Variants in CHCHD6 observed in about 807,000 individuals in gnomAD.
CHCHD6 encodes coiled-coil-helix-coiled-coil-helix domain containing 6, also known as MICOS complex subunit MIC25.
CHCHD6 carries 28 observed loss-of-function variants against 32.3 expected under a neutral mutation model. The ratio of observed to expected loss-of-function variants is 0.87; its 90% confidence interval spans 0.64 to 1.19. The LOEUF (loss-of-function observed/expected upper bound fraction) is 1.19. Among genes scored for constraint, CHCHD6 ranks in the 50% most tolerant of loss-of-function variants. The pLI, the probability that CHCHD6 is intolerant of heterozygous loss-of-function variation, is 0.00. For synonymous variants in CHCHD6, 122 were observed against 117.5 expected, an observed-to-expected ratio of 1.04 and a Z score of -0.25; for missense variants, 333 against 307.0, an observed-to-expected ratio of 1.08 and a Z score of -0.63.
At chr3:126,721,025 C>T (rs572501877) in intron 1 of CHCHD6, among the ~76,000 whole-genome samples, 30 of 152,302 alleles carry the variant, frequency 2.0e-4, no homozygotes, top group Admixed American at 5.9e-4. Context: ...TTCTTAATTT[C>T]CTCCCTTTCT....
intron 4 of CHCHD6, among the ~76,000 whole-genome samples, chr3:126,803,828 G>C (rs1939209268): frequency 6.6e-6 from 1 of 152,144 alleles, no homozygotes; most frequent in Admixed American, 6.6e-5. Context: ...GCTCTCCTCA[G>C]CAAATGTAAA....
At chr3:126,887,743 C>T (rs1328336119) in intron 5 of CHCHD6, among the ~76,000 whole-genome samples, 1 of 152,180 alleles carries the variant, frequency 6.6e-6, no homozygotes, top group Non-Finnish European at 1.5e-5. Context: ...TGCATTGGGC[C>T]ACATTGGACC....
chr3:126,887,828 G>T (rs886656292), intron 5 of CHCHD6, among the ~76,000 whole-genome samples: 1 of 152,202 alleles, frequency 6.6e-6, no homozygotes, highest in African/African-American at 2.4e-5. Flanking sequence ...CATCCTTTTT[G>T]CTGAATGAGA....
At chr3:126,803,678 TA>T (rs1261474312) in intron 4 of CHCHD6, among the ~76,000 whole-genome samples, 13 of 152,258 alleles carry the variant, frequency 8.5e-5, no homozygotes, top group African/African-American at 3.1e-4. Flanking sequence ...TTAACAAGGA[TA>T]CCCAGGAATT....
At chr3:126,825,428 G>A (rs9834408) in intron 4 of CHCHD6, among the ~76,000 whole-genome samples, 5,011 of 152,060 alleles carry the variant, frequency 0.033, 277 homozygotes, top group African/African-American at 0.11. Flanking sequence ...ATGTCAATTC[G>A]GTTGACTTGA....
At chr3:126,954,823 G>T (rs937031216) in intron 6 of CHCHD6, among the ~76,000 whole-genome samples, 2 of 152,216 alleles carry the variant, frequency 1.3e-5, no homozygotes, top group African/African-American at 4.8e-5. Context: ...CAAGAGGCTG[G>T]TATGAGGGGA....
At chr3:126,851,745 G>A (rs186832958) in intron 4 of CHCHD6, among the ~76,000 whole-genome samples, 7 of 152,344 alleles carry the variant, frequency 4.6e-5, no homozygotes, top group Admixed American at 2.0e-4. Context: ...CTGCCTTGCC[G>A]TGTGCTGGTG....
chr3:126,723,325 C>G (rs1226672828), intron 1 of CHCHD6, among the ~76,000 whole-genome samples: 1 of 151,962 alleles, frequency 6.6e-6, no homozygotes, highest in Non-Finnish European at 1.5e-5. Flanking sequence ...AAAATCCTGC[C>G]CCAGCTGCTC....
chr3:126,874,943 G>C (rs1018589197), intron 5 of CHCHD6, among the ~76,000 whole-genome samples: 3 of 152,118 alleles, frequency 2.0e-5, no homozygotes, highest in African/African-American at 4.8e-5. Flanking sequence ...TTCTGCCTTG[G>C]GGTGCACTTG....
chr3:126,826,596 G>A (rs990401859), intron 4 of CHCHD6, among the ~76,000 whole-genome samples: 1 of 152,158 alleles, frequency 6.6e-6, no homozygotes, highest in Non-Finnish European at 1.5e-5. Flanking sequence ...TCCTTGTAAT[G>A]GCGGCAGAAG....
chr3:126,798,907 G>A (rs1232324129), intron 4 of CHCHD6, among the ~76,000 whole-genome samples: 2 of 152,198 alleles, frequency 1.3e-5, no homozygotes, highest in Non-Finnish European at 2.9e-5. Context: ...AGTTGCTCTT[G>A]TATCCTGGAA....
Position 126,718,790 on chromosome 3 carries a change from C to T in CHCHD6, c.88-8288C>T, listed in dbSNP as rs546054841. The stretch of plus-strand genomic sequence containing the variant: ...TCAAGCACGCAGCCCCGTCTGGCTC[C>T]GGAGGCCTCCCCTCTGGTTCTGTTG... On this transcript the variant is annotated intron_variant, in intron 1 of 7. Coordinates refer to ENST00000290913, the MANE Select transcript of CHCHD6 (RefSeq NM_032343.3). 1.1e-4 allele frequency among the ~76,000 whole-genome samples: 17 copies of T among 152,342 alleles called. No homozygotes were observed. The South Asian group carries it at 3.1e-3, about 28-fold the overall frequency.
intron 4 of CHCHD6, among the ~76,000 whole-genome samples, chr3:126,805,476 T>C (rs889952529): frequency 6.6e-6 from 1 of 152,010 alleles, no homozygotes; most frequent in Non-Finnish European, 1.5e-5. Context: ...ATAAAATACT[T>C]AGGAATCCAA....
At chr3:126,887,833 A>AT (rs1467305421) in intron 5 of CHCHD6, among the ~76,000 whole-genome samples, 1 of 152,218 alleles carries the variant, frequency 6.6e-6, no homozygotes, top group Non-Finnish European at 1.5e-5. Flanking sequence ...TTTTTGCTGA[A>AT]TGAGAATCAC....
chr3:126,789,228 T>A (rs914522393), intron 4 of CHCHD6, among the ~76,000 whole-genome samples: 45 of 152,276 alleles, frequency 3.0e-4, no homozygotes, highest in South Asian at 4.2e-4. Flanking sequence ...TGCTGAGGAG[T>A]GCTTTACTTC....
At chr3:126,900,578 G>C (rs1012138411) in intron 5 of CHCHD6, among the ~76,000 whole-genome samples, 1 of 150,724 alleles carries the variant, frequency 6.6e-6, no homozygotes, top group Non-Finnish European at 1.5e-5. Context: ...AGAAGCAAGA[G>C]AGAAGGACGG....
At chr3:126,955,929 G>C (rs1305962544) in intron 6 of CHCHD6, among the ~76,000 whole-genome samples, 5 of 152,164 alleles carry the variant, frequency 3.3e-5, no homozygotes, top group Non-Finnish European at 7.3e-5. Context: ...GGACGAGAAG[G>C]GAAGACCAGA....
At chr3:126,913,099 A>C (rs2078116811) in intron 5 of CHCHD6, among the ~76,000 whole-genome samples, 1 of 151,720 alleles carries the variant, frequency 6.6e-6, no homozygotes. Flanking sequence ...ACTGCCACAC[A>C]AGCGTGTTTC....
intron 4 of CHCHD6, among the ~76,000 whole-genome samples, chr3:126,783,155 G>T (rs1326868829): frequency 6.6e-6 from 1 of 152,182 alleles, no homozygotes; most frequent in Non-Finnish European, 1.5e-5. Context: ...ACATATAAGT[G>T]AGATCATGTA....
Sources: allele counts gnomAD v4.1 joint callset (sites outside exome capture counted in the v4.1 genomes callset), GRCh38; gene constraint gnomAD v4.1.1; transcripts MANE v1.5; gene names NCBI Gene and HGNC (gene_info 2026-07-23, HGNC 2026-07-21).